PRKD1: variants seen among roughly 807,000 people sequenced by gnomAD.
The protein encoded by PRKD1 is serine/threonine-protein kinase D1.
PRKD1 carries 63 observed loss-of-function variants against 95.9 expected under a neutral mutation model. That is an observed-to-expected ratio of 0.66 (90% CI 0.54 to 0.81). The LOEUF (loss-of-function observed/expected upper bound fraction) is 0.81, where lower values mean the gene tolerates loss of function less well. Among genes scored for constraint, PRKD1 ranks in the 30% least tolerant of loss-of-function variants. The pLI is 0.00. For synonymous variants in PRKD1, 425 were observed against 423.1 expected (o/e 1.00, Z -0.05); for missense variants, 1,048 against 1,165.3 (o/e 0.90, Z 1.47).
chr14:29,766,256 C>G (rs994988322), intron 1 of PRKD1, among the ~76,000 whole-genome samples: 2 of 152,048 alleles, frequency 1.3e-5, no homozygotes, highest in Admixed American at 1.3e-4. Context: ...TTCAAGAAAC[C>G]CTCTCCTTTG....
chr14:29,706,015 C>T (rs1885070975), intron 2 of PRKD1, among the ~76,000 whole-genome samples: 1 of 152,088 alleles, frequency 6.6e-6, no homozygotes, highest in Non-Finnish European at 1.5e-5. Context: ...TCTTGAGGAA[C>T]TGCCAAACTG....
chr14:29,897,296 A>G (rs1286200049), intron 1 of PRKD1, among the ~76,000 whole-genome samples: 1 of 152,164 alleles, frequency 6.6e-6, no homozygotes, highest in Non-Finnish European at 1.5e-5. Flanking sequence ...ATACTACTGT[A>G]TACTATTTCC....
At chr14:29,728,428 A>G (rs1886272848) in intron 1 of PRKD1, among the ~76,000 whole-genome samples, 1 of 152,190 alleles carries the variant, frequency 6.6e-6, no homozygotes, top group South Asian at 2.1e-4. Flanking sequence ...ATTGCAATCT[A>G]TGTAACCAAC....
intron 2 of PRKD1, among the ~76,000 whole-genome samples, chr14:29,718,026 C>T (rs34078530): frequency 0.1 from 15,839 of 152,176 alleles, 994 homozygotes; most frequent in African/African-American, 0.17. Flanking sequence ...AATATCCCTA[C>T]TGAAGTCACA....
intron 13 of PRKD1, 61 bp downstream of exon 13, chr14:29,624,091 T>G: frequency 8.2e-7 from 1 of 1,214,340 alleles, no homozygotes; most frequent in Non-Finnish European, 1.2e-6. Flanking sequence ...TTATTTGCTT[T>G]GCAGAAGTAA....
At chr14:29,910,117 T>C (rs1182209533) in intron 1 of PRKD1, among the ~76,000 whole-genome samples, 1 of 152,120 alleles carries the variant, frequency 6.6e-6, no homozygotes, top group Non-Finnish European at 1.5e-5. Flanking sequence ...TTGTTGCTGC[T>C]CACTCTTTGG....
intron 1 of PRKD1, among the ~76,000 whole-genome samples, chr14:29,760,601 C>T (rs1887933847): frequency 1.3e-5 from 2 of 151,860 alleles, no homozygotes; most frequent in South Asian, 4.1e-4. Context: ...GATCCGCCTG[C>T]CTCGGCCTCC....
Position 29,676,179 on chromosome 14 carries a change from TTTTG to T in PRKD1, c.404-9975_404-9972del, listed in dbSNP as rs1322384308. On this transcript the variant is annotated intron_variant, in intron 2 of 17. Transcript: ENST00000331968. ...TGTAGGCATGCATAGTTCATTACGT[TTTTG>T]TTTTTTTTTTTTTTTTTTTTGCTGA... Among the ~76,000 whole-genome samples the T allele has an allele frequency of 5.4e-4, 62 of 114,408 alleles. 1 individual carries two copies. The highest frequency in any genetic ancestry group is 2.3e-3 in the African/African-American group (53 of 23,018). The allele number at this position is 114,408 out of a possible 152,430, so 75.1% of individuals were successfully genotyped here. A position where few individuals can be genotyped will look rare whatever the true frequency, so the allele number is the denominator to read the frequency against.
In PRKD1 at chr14:29,624,207, A is replaced by T. The variant is rs1169500958; in HGVS notation, c.1850T>A (p.Leu617Ter). Residue 617 changes from leucine (L) to a stop codon, truncating the protein, a stop_gained, in exon 13 of 18, where the codon TTA becomes TAA. Transcript: ENST00000331968. LOFTEE classifies it high-confidence loss of function. Reference protein sequence around the residue: ...RDVAIKIIDKLRFPTKQESQL... With the variant: ...RDVAIKIIDK The stretch of plus-strand genomic sequence containing the variant: ...GCTTTCTTGTTTTGTTGGAAATCGT[A>T]ATTTGTCAATGATTTTAATAGCTAC... 2 of 1,605,718 alleles carry T rather than the reference A, an allele frequency of 1.2e-6. No individual in the cohort carries two copies. Among genetic ancestry groups the T allele is most frequent in the Non-Finnish European group, 1.7e-6 (2 of 1,175,728 alleles).
chr14:29,740,438 T>G (rs1566573184), intron 1 of PRKD1, among the ~76,000 whole-genome samples: 1 of 152,122 alleles, frequency 6.6e-6, no homozygotes, highest in Non-Finnish European at 1.5e-5. Flanking sequence ...CAGAACATAT[T>G]AAGGAATATT....
intron 1 of PRKD1, chr14:29,811,949 G>A (rs1017274756): frequency 3.3e-5 from 5 of 152,090 alleles, no homozygotes; most frequent in African/African-American, 1.2e-4. Context: ...ACTAAAATTG[G>A]ACAATAGTGA....
At chr14:29,621,801 T>C (rs1879284659) in intron 13 of PRKD1, among the ~76,000 whole-genome samples, 1 of 152,168 alleles carries the variant, frequency 6.6e-6, no homozygotes, top group Non-Finnish European at 1.5e-5. Flanking sequence ...GTTTGATGAA[T>C]GAGGCAAAGA....
intron 1 of PRKD1, among the ~76,000 whole-genome samples, chr14:29,919,980 G>C (rs977068151): frequency 6.7e-6 from 1 of 149,158 alleles, no homozygotes; most frequent in Non-Finnish European, 1.5e-5. Context: ...GAGAGAGAGA[G>C]AGAGAAAGAG....
intron 1 of PRKD1, among the ~76,000 whole-genome samples, chr14:29,906,452 C>G (rs1198175124): frequency 1.3e-5 from 2 of 151,872 alleles, no homozygotes; most frequent in Non-Finnish European, 2.9e-5. Context: ...GCAGGAAGAT[C>G]GCTTGAGCCC....
chr14:29,764,248 T>C (rs1488047150), intron 1 of PRKD1, among the ~76,000 whole-genome samples: 1 of 151,936 alleles, frequency 6.6e-6, no homozygotes, highest in Non-Finnish European at 1.5e-5. Flanking sequence ...AATGATGAAC[T>C]AAATTTTCAG....
chr14:29,794,880 A>G (rs1889742219), intron 1 of PRKD1, among the ~76,000 whole-genome samples: 1 of 152,172 alleles, frequency 6.6e-6, no homozygotes, highest in African/African-American at 2.4e-5. Context: ...AATTTATACT[A>G]GCAGCAATGT....
At chr14:29,719,912 A>G (rs187411374) in intron 2 of PRKD1, among the ~76,000 whole-genome samples, 1 of 152,286 alleles carries the variant, frequency 6.6e-6, no homozygotes, top group East Asian at 1.9e-4. Context: ...GGGAAAAAGT[A>G]TTCCGTGAGA....
At chr14:29,708,128 GT>G (rs1885175063) in intron 2 of PRKD1, among the ~76,000 whole-genome samples, 1 of 151,958 alleles carries the variant, frequency 6.6e-6, no homozygotes, top group African/African-American at 2.4e-5. Flanking sequence ...ACATAATGAT[GT>G]CCCCATCAAG....
At chr14:29,722,419 T>G (rs1450773573) in intron 2 of PRKD1, among the ~76,000 whole-genome samples, 1 of 152,240 alleles carries the variant, frequency 6.6e-6, no homozygotes, top group Non-Finnish European at 1.5e-5. Context: ...ACTCACTTGA[T>G]AGGCCCTGAT....
Sources: gnomAD v4.1 joint callset for allele counts (sites outside exome capture counted in the v4.1 genomes callset) on GRCh38, gnomAD v4.1.1 for gene constraint, MANE v1.5 for transcripts, NCBI Gene and HGNC (gene_info 2026-07-23, HGNC 2026-07-21) for gene names.